The following CYRIB variants were observed in gnomAD, a reference collection of about 807,000 sequenced individuals.
CYRIB encodes CYFIP-related Rac1 interactor B.
In CYRIB, 8 loss-of-function variants were observed where a neutral mutation model predicts 44.2. The observed-to-expected ratio is 0.18, with a 90% CI of 0.11 to 0.33. The LOEUF is 0.33. CYRIB is among the 10% of genes least tolerant of loss of function. CYRIB has a pLI of 1.00. For missense variants in CYRIB, 185 were observed against 382.8 expected (o/e 0.48, Z 4.31); for synonymous variants, 131 against 127.2 (o/e 1.03, Z -0.20).
At chr8:129,879,732 G>A (rs1193573101) in intron 2 of CYRIB, 4 of 366,182 alleles carry the variant, frequency 1.1e-5, no homozygotes, top group African/African-American at 6.4e-5. Flanking sequence ...CCCAAGACAA[G>A]TTTCATTAAT....
At chr8:129,991,133 G>GAA (rs35682865) in intron 1 of CYRIB, among the ~76,000 whole-genome samples, 44 of 67,676 alleles carry the variant, frequency 6.5e-4, no homozygotes, top group East Asian at 1.9e-3. Flanking sequence ...CTCTGTCTCA[G>GAA]AAAAAAAAAA....
At position 129,923,106 on chromosome 8, in the gene CYRIB, G is replaced by A. The variant is rs1200403512; in HGVS notation, c.-50+16502C>T. 4.7e-5 allele frequency among the ~76,000 whole-genome samples: 7 copies of A among 149,002 alleles called. No individual in the cohort carries two copies. The South Asian group carries it at 6.4e-4, about 14-fold the overall frequency. ...AAAGAATACAAAATTAGCCAGGCATGGTGGCACATGCCTGTAGTCCCAGCT... is the reference window on the plus strand; with the variant it reads ...AAAGAATACAAAATTAGCCAGGCATAGTGGCACATGCCTGTAGTCCCAGCT... On this transcript the variant is annotated intron_variant, in intron 1 of 11. Transcript: ENST00000519824.
intron 4 of CYRIB, among the ~76,000 whole-genome samples, chr8:129,865,873 T>G (rs1387871285): frequency 1.3e-5 from 2 of 152,194 alleles, no homozygotes; most frequent in African/African-American, 4.8e-5. Context: ...AGTGTGAGGG[T>G]AGAAAAAGTC....
intron 1 of CYRIB, among the ~76,000 whole-genome samples, chr8:129,980,876 C>T (rs920859042): frequency 3.3e-5 from 5 of 151,404 alleles, no homozygotes; most frequent in African/African-American, 7.3e-5. Context: ...TCCAGCTACT[C>T]GGGAGGCTGA....
rs189451793 is a variant in CYRIB, at chr8:129,869,484, A to C, written c.195+1891T>G. 2.9e-3 allele frequency among the ~76,000 whole-genome samples: 438 copies of C among 152,236 alleles called. 6 individuals are homozygous for C. Among genetic ancestry groups the C allele is most frequent in the Admixed American group, 0.026 (397 of 15,284 alleles). On this transcript the variant is annotated intron_variant, in intron 4 of 11. Transcript: ENST00000519824. ...ATAACAACAAGCTTTAAAGAAGTTT[A>C]ATGACCTAACACTTATAAACAATTT...
At chr8:129,906,579 A>C (rs2075509726) in intron 1 of CYRIB, among the ~76,000 whole-genome samples, 2 of 152,346 alleles carry the variant, frequency 1.3e-5, no homozygotes, top group South Asian at 4.1e-4. Flanking sequence ...AAGCAATGGC[A>C]ACAAAAGACA....
intron 1 of CYRIB, among the ~76,000 whole-genome samples, chr8:129,991,652 T>G (rs971401014): frequency 6.6e-6 from 1 of 151,956 alleles, no homozygotes; most frequent in Admixed American, 6.6e-5. Flanking sequence ...TCCAGAACTG[T>G]AAGAAATAAA....
chr8:129,916,376 TAA>T, intron 1 of CYRIB, among the ~76,000 whole-genome samples: 1 of 152,104 alleles, frequency 6.6e-6, no homozygotes, highest in East Asian at 1.9e-4. Context: ...TCAAGCACTA[TAA>T]GAGACACTAA....
chr8:129,882,976 T>C (rs2061341845), intron 2 of CYRIB, among the ~76,000 whole-genome samples: 1 of 151,618 alleles, frequency 6.6e-6, no homozygotes, highest in African/African-American at 2.4e-5. Flanking sequence ...GGTGGGTAGA[T>C]CACAAGGTCA....
chr8:129,924,181 A>G (rs954630450), intron 1 of CYRIB, among the ~76,000 whole-genome samples: 2 of 145,662 alleles, frequency 1.4e-5, no homozygotes, highest in African/African-American at 5.1e-5. Flanking sequence ...TGAGGCTGAG[A>G]TGGGAGGACT....
intron 1 of CYRIB, among the ~76,000 whole-genome samples, chr8:129,929,213 A>C (rs575672479): frequency 6.6e-6 from 1 of 152,316 alleles, no homozygotes; most frequent in East Asian, 1.9e-4. Context: ...TGTCCAGGAA[A>C]GAATAATCAA....
chr8:129,966,498 C>T (rs762833040), intron 2 of CYRIB, among the ~76,000 whole-genome samples: 3 of 152,114 alleles, frequency 2.0e-5, no homozygotes, highest in Non-Finnish European at 4.4e-5. Context: ...TCTCTTCTTG[C>T]CCCTGTGATA....
At chr8:130,007,042 A>G (rs1254568736) in intron 1 of CYRIB, among the ~76,000 whole-genome samples, 1 of 152,132 alleles carries the variant, frequency 6.6e-6, no homozygotes, top group Non-Finnish European at 1.5e-5. Context: ...GTAGATTATT[A>G]GTATGAGTCA....
intron 1 of CYRIB, among the ~76,000 whole-genome samples, chr8:129,923,989 G>A (rs1589916110): frequency 1.3e-5 from 2 of 150,382 alleles, no homozygotes; most frequent in African/African-American, 4.9e-5. Flanking sequence ...CACTGGTTTA[G>A]GCCAGCTGCA....
At chr8:129,852,210 A>G (rs1051893) in exon 8 of CYRIB, 81,577 of 1,570,610 alleles carry the variant, frequency 0.052, 2,367 homozygotes, top group Middle Eastern at 0.06. Flanking sequence ...TCAGCATTGG[A>G]GTTGCCTCAG....
intron 1 of CYRIB, among the ~76,000 whole-genome samples, chr8:130,003,553 C>G (rs1206007134): frequency 6.6e-6 from 1 of 152,214 alleles, no homozygotes; most frequent in African/African-American, 2.4e-5. Context: ...ATCTCAGGTG[C>G]TTTTCAGCTC....
chr8:129,858,152 T>C (rs2047198317), intron 5 of CYRIB, among the ~76,000 whole-genome samples: 1 of 152,202 alleles, frequency 6.6e-6, no homozygotes, highest in Non-Finnish European at 1.5e-5. Context: ...CAATGCTCTG[T>C]CTCAAGAGAG....
At chr8:129,977,132 G>A (rs1367076099) in intron 1 of CYRIB, among the ~76,000 whole-genome samples, 2 of 152,250 alleles carry the variant, frequency 1.3e-5, no homozygotes, top group East Asian at 1.9e-4. Context: ...GTGAGCCACC[G>A]TGCCCAGCCA....
At chr8:129,969,379 T>C (rs1162805982) in intron 2 of CYRIB, among the ~76,000 whole-genome samples, 1 of 152,210 alleles carries the variant, frequency 6.6e-6, no homozygotes, top group Non-Finnish European at 1.5e-5. Context: ...AATTCTTATA[T>C]TTCCATCAAT....
Sources: gnomAD v4.1 joint callset for allele counts (sites outside exome capture counted in the v4.1 genomes callset) on GRCh38, gnomAD v4.1.1 for gene constraint, MANE v1.5 for transcripts, NCBI Gene and HGNC (gene_info 2026-07-23, HGNC 2026-07-21) for gene names.